The following RTKN2 variants were observed in gnomAD, a reference collection of about 807,000 sequenced individuals.
The protein encoded by RTKN2 is rhotekin 2.
RTKN2 carries 69 observed loss-of-function variants against 71.5 expected under a neutral mutation model. The observed-to-expected ratio is 0.96, with a 90% CI of 0.79 to 1.18. RTKN2 has a LOEUF of 1.18. Among genes scored for constraint, RTKN2 ranks in the 50% most tolerant of loss-of-function variants. The pLI is 0.00. For missense variants in RTKN2, 724 were observed against 719.7 expected (o/e 1.01, Z -0.07); for synonymous variants, 236 against 236.5 (o/e 1.00, Z 0.02).
chr10:62,227,219 A>T (rs1842045009), intron 6 of RTKN2, among the ~76,000 whole-genome samples: 1 of 152,190 alleles, frequency 6.6e-6, no homozygotes, highest in African/African-American at 2.4e-5. Flanking sequence ...TTCCTCTCTT[A>T]TACAGGAAGA....
chr10:62,256,693 C>CGTGTGT (rs547450164), intron 2 of RTKN2, among the ~76,000 whole-genome samples: 11 of 150,426 alleles, frequency 7.3e-5, no homozygotes, highest in African/African-American at 2.7e-4. Context: ...TTTGTGTATG[C>CGTGTGT]GTGTGTGTGT....
At chr10:62,239,513 A>G (rs1842326777) in intron 5 of RTKN2, 135 bp downstream of exon 5, 1 of 472,424 alleles carries the variant, frequency 2.1e-6, no homozygotes, top group East Asian at 3.6e-5. Flanking sequence ...TGATTTTTAA[A>G]ATCATATTAA....
chr10:62,210,017 T>C (rs1157140505), intron 9 of RTKN2, among the ~76,000 whole-genome samples: 2 of 152,220 alleles, frequency 1.3e-5, no homozygotes, highest in East Asian at 3.8e-4. Context: ...TATCTGTCTT[T>C]AGGTCTTTGA....
intron 1 of RTKN2, 24 bp downstream of exon 1, chr10:62,268,527 G>C: frequency 6.4e-7 from 1 of 1,550,824 alleles, no homozygotes; most frequent in Middle Eastern, 1.7e-4. Flanking sequence ...CACCTTCCGC[G>C]GCAGGGTCCC....
chr10:62,201,572 AG>A (rs1841443344), intron 10 of RTKN2, among the ~76,000 whole-genome samples: 1 of 152,132 alleles, frequency 6.6e-6, no homozygotes, highest in African/African-American at 2.4e-5. Flanking sequence ...TCTTAGGGGC[AG>A]GAAAAAAACC....
chr10:62,218,067 T>C, intron 8 of RTKN2, 128 bp downstream of exon 8: 1 of 623,208 alleles, frequency 1.6e-6, no homozygotes. Context: ...TCTGATAACA[T>C]TTAGAAAACT....
chr10:62,203,209 T>C (rs2132820157), intron 10 of RTKN2, among the ~76,000 whole-genome samples: 2 of 152,244 alleles, frequency 1.3e-5, no homozygotes, highest in South Asian at 4.1e-4. Context: ...AAATCATTTC[T>C]AAAAATAAGA....
At chr10:62,239,191 C>T (rs1454452151) in intron 5 of RTKN2, 1 of 152,448 alleles carries the variant, frequency 6.6e-6, no homozygotes, top group African/African-American at 2.4e-5. Flanking sequence ...AAGTGCTCTT[C>T]CTATATAGCA....
At chr10:62,254,833 T>C (rs997973428) in intron 2 of RTKN2, among the ~76,000 whole-genome samples, 1 of 151,780 alleles carries the variant, frequency 6.6e-6, no homozygotes, top group African/African-American at 2.4e-5. Context: ...GCTGGGTGTG[T>C]TGGCATGAAC....
chr10:62,231,957 C>G (rs1842157884), intron 6 of RTKN2, among the ~76,000 whole-genome samples: 1 of 152,082 alleles, frequency 6.6e-6, no homozygotes, highest in South Asian at 2.1e-4. Flanking sequence ...AAGAGTAGTC[C>G]CGGGCTATGA....
Position 62,197,798 on chromosome 10 carries a change from T to C in RTKN2, c.*110A>G, listed in dbSNP as rs1841358089. The C allele has an allele frequency of 2.1e-6, 3 of 1,431,716 alleles. No individual in the cohort carries two copies. The highest frequency in any genetic ancestry group is 2.9e-5 in the African/African-American group (2 of 69,404). 88.7% of individuals were successfully genotyped at this position (1,431,716 alleles called of 1,614,324 possible). A position where few individuals can be genotyped will look rare whatever the true frequency, so the allele number is the denominator to read the frequency against. On this transcript the variant is annotated 3_prime_UTR_variant, in exon 12 of 12. Coordinates refer to ENST00000373789, the MANE Select transcript of RTKN2 (RefSeq NM_145307.4). ...TCTATACCTAATAGCTTATTAATTA[T>C]TGGTATAAATCACTATATTTACCTA... is the stretch of plus-strand genomic sequence containing the variant.
At position 62,268,744 on chromosome 10, in the gene RTKN2, G is replaced by A. The variant is rs997512657; in HGVS notation, c.-134C>T. On this transcript the variant is annotated 5_prime_UTR_variant, in exon 1 of 12. Transcript: ENST00000373789. Reference sequence around the variant, plus strand: ...CCCAGTCGCAGGGGCCGGGGGCGCAGGAGGAGCCGGGCCGAAGCGCACGCG... The same window carrying A: ...CCCAGTCGCAGGGGCCGGGGGCGCAAGAGGAGCCGGGCCGAAGCGCACGCG... The A allele has an allele frequency of 3.3e-6, 3 of 916,910 alleles. No individual in the cohort carries two copies. The highest frequency in any genetic ancestry group is 2.8e-5 in the East Asian group (1 of 35,516). The allele number at this position is 916,910 out of a possible 1,614,324, so 56.8% of individuals were successfully genotyped here.
chr10:62,197,934 T>C lies in RTKN2; in HGVS notation c.1804A>G (p.Arg602Gly). The stretch of plus-strand genomic sequence containing the variant: ...TATACTTGTGCCTGCAGCCATGATC[T>C]AGGGTCCAGAATGTCTTTGATGGAT... ...QKSIKDILDP[R>G]SWLQAQV Residue 602 changes from arginine to glycine, a missense_variant, in exon 12 of 12, where the codon AGA (arginine) becomes GGA (glycine). Arg to Gly is a moderately radical substitution (Grantham distance 125). Coordinates refer to ENST00000373789, the MANE Select transcript of RTKN2 (RefSeq NM_145307.4). 1 of 1,613,668 alleles carries C rather than the reference T, an allele frequency of 6.2e-7. No individual in the cohort carries two copies. The highest frequency in any genetic ancestry group is 8.5e-7 in the Non-Finnish European group (1 of 1,179,762).
intron 7 of RTKN2, among the ~76,000 whole-genome samples, chr10:62,219,920 G>A (rs1333066472): frequency 6.6e-6 from 1 of 152,074 alleles, no homozygotes; most frequent in African/African-American, 2.4e-5. Context: ...TCTATATGGA[G>A]GAAAGCATTA....
intron 3 of RTKN2, among the ~76,000 whole-genome samples, chr10:62,243,896 A>C (rs376286006): frequency 6.6e-6 from 1 of 152,178 alleles, no homozygotes; most frequent in Non-Finnish European, 1.5e-5. Context: ...TACTTGGTGA[A>C]CTGATTTGGT....
At chr10:62,186,469 A>G (rs935627821) in intron 8 of RTKN2, among the ~76,000 whole-genome samples, 2 of 151,990 alleles carry the variant, frequency 1.3e-5, no homozygotes, top group Non-Finnish European at 2.9e-5. Context: ...TAGCGGAATG[A>G]AAAGGAGATT....
At chr10:62,215,685 T>G (rs1841755271) in intron 9 of RTKN2, among the ~76,000 whole-genome samples, 1 of 151,934 alleles carries the variant, frequency 6.6e-6, no homozygotes, top group Admixed American at 6.6e-5. Flanking sequence ...AAATTTTAAC[T>G]AGAAAGAAAG....
intron 2 of RTKN2, among the ~76,000 whole-genome samples, chr10:62,259,715 C>T (rs1488518097): frequency 6.6e-6 from 1 of 152,118 alleles, no homozygotes; most frequent in Non-Finnish European, 1.5e-5. Flanking sequence ...CCATGCCTGG[C>T]TAATTTTTGT....
chr10:62,221,286 G>A (rs1030972695), intron 7 of RTKN2, among the ~76,000 whole-genome samples: 2 of 151,712 alleles, frequency 1.3e-5, no homozygotes, highest in African/African-American at 4.8e-5. Context: ...AATTTTTAGG[G>A]GTAAATTCTA....
Sources: allele counts gnomAD v4.1 joint callset (sites outside exome capture counted in the v4.1 genomes callset), GRCh38; gene constraint gnomAD v4.1.1; transcripts MANE v1.5; gene names NCBI Gene and HGNC (gene_info 2026-07-23, HGNC 2026-07-21).